LRRC4C: variants seen among roughly 807,000 people sequenced by gnomAD.
The protein encoded by LRRC4C is leucine-rich repeat-containing protein 4C.
Under a neutral mutation model 33.6 loss-of-function variants are expected in LRRC4C, and 5 were observed. The observed-to-expected ratio is 0.15, with a 90% CI of 0.08 to 0.31. The LOEUF (loss-of-function observed/expected upper bound fraction) is 0.31. LRRC4C is among the 10% of genes least tolerant of loss of function. LRRC4C has a pLI of 1.00. For missense variants in LRRC4C, 560 were observed against 796.7 expected, an observed-to-expected ratio of 0.70 and a Z score of 3.58; for synonymous variants, 329 against 302.0, an observed-to-expected ratio of 1.09 and a Z score of -0.93.
intron 1 of LRRC4C, among the ~76,000 whole-genome samples, chr11:41,120,351 G>A (rs1217228707): frequency 6.6e-6 from 1 of 152,086 alleles, no homozygotes; most frequent in African/African-American, 2.4e-5. Context: ...ATTGTGCAGG[G>A]TACTTTTTTG....
rs558570382 is a variant in LRRC4C at position 41,144,857 on chromosome 11, A to T, written c.-495-211134T>A. ...TGGCTGTAGAATTGCTCTGATTTTT[A>T]AAAAATGCACATATTAAGTTTTCCT... On this transcript the variant is annotated intron_variant, in intron 1 of 6. Transcript: ENST00000528697. Among the ~76,000 whole-genome samples the T allele has an allele frequency of 1.6e-4, 24 of 152,264 alleles. No individual in the cohort carries two copies. The East Asian group carries it at 3.9e-3, about 25-fold the overall frequency.
chr11:40,560,053 T>A (rs1390982242), intron 3 of LRRC4C, among the ~76,000 whole-genome samples: 1 of 152,176 alleles, frequency 6.6e-6, no homozygotes, highest in Non-Finnish European at 1.5e-5. Context: ...AAGAGCCCAT[T>A]TTATTTTAAG....
At chr11:40,582,719 G>A (rs565162553) in intron 3 of LRRC4C, among the ~76,000 whole-genome samples, 3 of 151,978 alleles carry the variant, frequency 2.0e-5, no homozygotes, top group Admixed American at 6.6e-5. Context: ...GTTTCACCAT[G>A]TTGGCCAGGT....
intron 3 of LRRC4C, among the ~76,000 whole-genome samples, chr11:40,344,411 T>C (rs1447109862): frequency 1.3e-5 from 2 of 152,154 alleles, no homozygotes; most frequent in African/African-American, 4.8e-5. Flanking sequence ...ACCAAATAAT[T>C]ATCTCAATAG....
At chr11:40,130,424 A>G (rs992402291) in intron 6 of LRRC4C, among the ~76,000 whole-genome samples, 1 of 152,020 alleles carries the variant, frequency 6.6e-6, no homozygotes, top group Non-Finnish European at 1.5e-5. Flanking sequence ...TATCTCCACA[A>G]GTGGTCTTTT....
intron 2 of LRRC4C, among the ~76,000 whole-genome samples, chr11:40,664,544 C>CAA (rs35543248): frequency 7.3e-5 from 11 of 149,980 alleles, no homozygotes; most frequent in South Asian, 2.1e-4. Flanking sequence ...GACTCTGTCT[C>CAA]AAAAAAAAAT....
At chr11:41,218,381 G>C (rs1947155488) in intron 1 of LRRC4C, among the ~76,000 whole-genome samples, 1 of 152,132 alleles carries the variant, frequency 6.6e-6, no homozygotes, top group Non-Finnish European at 1.5e-5. Context: ...CTCCATTCTA[G>C]TTACCTTTGA....
At chr11:40,135,563 T>C (rs542317795) in intron 6 of LRRC4C, among the ~76,000 whole-genome samples, 2 of 152,336 alleles carry the variant, frequency 1.3e-5, no homozygotes, top group East Asian at 3.9e-4. Flanking sequence ...TATGGTATCA[T>C]AATGGGATAA....
At chr11:41,389,302 A>G (rs948714679) in intron 1 of LRRC4C, among the ~76,000 whole-genome samples, 2 of 151,834 alleles carry the variant, frequency 1.3e-5, no homozygotes, top group Non-Finnish European at 2.9e-5. Context: ...AGGTTCCAAG[A>G]GTTAAAGGCT....
rs188983329 is a variant in LRRC4C, at chr11:40,371,227, A to G, written c.-269-51506T>C. 1.2e-3 allele frequency among the ~76,000 whole-genome samples: 177 copies of G among 152,338 alleles called. 1 individual carries two copies. Among genetic ancestry groups the G allele is most frequent in the African/African-American group, 4.2e-3 (175 of 41,580 alleles). ...AGACAAGTATATCTGAATTTGTGTC[A>G]TTAAAAAAAATACAAGCAATTTCAC... On this transcript the variant is annotated intron_variant, in intron 3 of 6. Coordinates refer to ENST00000528697, the MANE Select transcript of LRRC4C (RefSeq NM_001258419.2).
chr11:40,712,510 G>C (rs573098631), intron 2 of LRRC4C, among the ~76,000 whole-genome samples: 29 of 152,188 alleles, frequency 1.9e-4, no homozygotes, highest in Non-Finnish European at 3.7e-4. Flanking sequence ...CATGGGAACA[G>C]AAATATAATT....
chr11:41,098,664 G>A (rs1940969921), intron 1 of LRRC4C, among the ~76,000 whole-genome samples: 1 of 152,038 alleles, frequency 6.6e-6, no homozygotes, highest in South Asian at 2.1e-4. Context: ...TTTAATAAAA[G>A]ACCTTGTATT....
intron 3 of LRRC4C, among the ~76,000 whole-genome samples, chr11:40,416,473 G>A (rs1418129050): frequency 4.6e-5 from 7 of 152,106 alleles, no homozygotes; most frequent in Non-Finnish European, 1.0e-4. Flanking sequence ...CAGTCAGTAT[G>A]GCTGGAAGTT....
At chr11:40,648,579 A>G (rs929894389) in intron 2 of LRRC4C, among the ~76,000 whole-genome samples, 1 of 152,220 alleles carries the variant, frequency 6.6e-6, no homozygotes, top group African/African-American at 2.4e-5. Flanking sequence ...TTTAATTAAA[A>G]TTTGCTTGTT....
chr11:41,057,059 G>C (rs1858676008), intron 1 of LRRC4C, among the ~76,000 whole-genome samples: 1 of 152,192 alleles, frequency 6.6e-6, no homozygotes, highest in Admixed American at 6.5e-5. Flanking sequence ...CCAGGGCAAA[G>C]CTGCAGCTGC....
At chr11:40,510,991 A>G (rs1955287925) in intron 3 of LRRC4C, among the ~76,000 whole-genome samples, 1 of 152,220 alleles carries the variant, frequency 6.6e-6, no homozygotes, top group African/African-American at 2.4e-5. Flanking sequence ...TTCTTAAAGT[A>G]AGAAATGGTT....
intron 2 of LRRC4C, among the ~76,000 whole-genome samples, chr11:40,822,869 A>G (rs184298327): frequency 6.6e-6 from 1 of 151,724 alleles, no homozygotes; most frequent in African/African-American, 2.4e-5. Context: ...ATAGGGGTTT[A>G]GTTTAATTTT....
chr11:41,367,345 C>T (rs923250901), intron 1 of LRRC4C, among the ~76,000 whole-genome samples: 10 of 152,046 alleles, frequency 6.6e-5, no homozygotes, highest in Admixed American at 1.3e-4. Context: ...AGTAATCTCA[C>T]GGCCTTCTTC....
chr11:40,219,551 T>A (rs923772932), intron 5 of LRRC4C, among the ~76,000 whole-genome samples: 2 of 152,158 alleles, frequency 1.3e-5, no homozygotes, highest in African/African-American at 4.8e-5. Context: ...ATTCATTATT[T>A]CCCTTTAAAA....
Sources: gnomAD v4.1 joint callset for allele counts (sites outside exome capture counted in the v4.1 genomes callset) on GRCh38, gnomAD v4.1.1 for gene constraint, MANE v1.5 for transcripts, NCBI Gene and HGNC (gene_info 2026-07-23, HGNC 2026-07-21) for gene names.